AUTS2: variants seen among roughly 807,000 people sequenced by gnomAD.
The protein encoded by AUTS2 is activator of transcription and developmental regulator AUTS2.
In AUTS2, 17 loss-of-function variants were observed where a neutral mutation model predicts 112.4. The ratio of observed to expected loss-of-function variants is 0.15; its 90% confidence interval spans 0.10 to 0.23. The LOEUF is 0.23. Ranked by LOEUF, AUTS2 falls within the 10% of genes least tolerant of loss-of-function variation. The pLI is 1.00. For missense variants in AUTS2, 1,510 were observed against 1,701.6 expected (o/e 0.89, Z 1.98); for synonymous variants, 751 against 702.7 (o/e 1.07, Z -1.09).
chr7:69,890,620 C>T (rs1412589483), intron 1 of AUTS2, among the ~76,000 whole-genome samples: 2 of 151,414 alleles, frequency 1.3e-5, no homozygotes, highest in Non-Finnish European at 2.9e-5. Flanking sequence ...AATCAGGCTA[C>T]CAGATAGAAA....
At chr7:70,706,364 A>C (rs1585542345) in intron 6 of AUTS2, among the ~76,000 whole-genome samples, 1 of 152,190 alleles carries the variant, frequency 6.6e-6, no homozygotes, top group Admixed American at 6.5e-5. Context: ...TGGCCAGACA[A>C]AGTCACATGA....
chr7:69,838,181 C>T (rs538039414), intron 1 of AUTS2, among the ~76,000 whole-genome samples: 3 of 152,138 alleles, frequency 2.0e-5, no homozygotes, highest in African/African-American at 7.2e-5. Context: ...GTGCATTTGG[C>T]AAAAGTCAGT....
chr7:70,181,532 G>A (rs1584843657), intron 4 of AUTS2, among the ~76,000 whole-genome samples: 1 of 150,842 alleles, frequency 6.6e-6, no homozygotes, highest in African/African-American at 2.4e-5. Context: ...TTGTTGCCCA[G>A]GCTGGAGTGC....
At chr7:69,722,079 G>C (rs1176778351) in intron 1 of AUTS2, among the ~76,000 whole-genome samples, 2 of 151,096 alleles carry the variant, frequency 1.3e-5, no homozygotes, top group Admixed American at 6.6e-5. Context: ...AGAGGGGATA[G>C]AGAGCAAAGC....
At chr7:70,031,850 G>A (rs1800795814) in intron 2 of AUTS2, among the ~76,000 whole-genome samples, 1 of 152,124 alleles carries the variant, frequency 6.6e-6, no homozygotes, top group African/African-American at 2.4e-5. Context: ...ACTGATCACA[G>A]TCTATTTGAT....
chr7:70,512,713 A>G (rs937899006), intron 5 of AUTS2, among the ~76,000 whole-genome samples: 4 of 152,116 alleles, frequency 2.6e-5, no homozygotes, highest in African/African-American at 7.2e-5. Flanking sequence ...AATTGACCAT[A>G]TGGTTAGTTT....
At chr7:70,120,587 G>A (rs1584752721) in intron 3 of AUTS2, among the ~76,000 whole-genome samples, 1 of 152,064 alleles carries the variant, frequency 6.6e-6, no homozygotes, top group African/African-American at 2.4e-5. Flanking sequence ...TTATTCCAGG[G>A]TTAGTAGGTC....
At chr7:70,495,593 CCA>C (rs1270817132) in intron 5 of AUTS2, among the ~76,000 whole-genome samples, 1 of 151,484 alleles carries the variant, frequency 6.6e-6, no homozygotes, top group African/African-American at 2.4e-5. Context: ...ATCACACACC[CCA>C]CTCACACACA....
chr7:69,831,113 A>T (rs912443841), intron 1 of AUTS2, among the ~76,000 whole-genome samples: 3 of 152,110 alleles, frequency 2.0e-5, no homozygotes, highest in African/African-American at 4.8e-5. Flanking sequence ...TTCCCACCTG[A>T]TCCCCACTCC....
chr7:70,122,744 G>A (rs774278498), intron 3 of AUTS2, among the ~76,000 whole-genome samples: 2 of 151,970 alleles, frequency 1.3e-5, no homozygotes, highest in Non-Finnish European at 1.5e-5. Flanking sequence ...GACCCAAAAC[G>A]TGGACATTTA....
chr7:70,357,117 A>C (rs1388232991), intron 4 of AUTS2, among the ~76,000 whole-genome samples: 1 of 152,194 alleles, frequency 6.6e-6, no homozygotes, highest in African/African-American at 2.4e-5. Context: ...GCGTTGGCCA[A>C]CATTTGTAAC....
chr7:70,171,908 G>T (rs540587699), intron 4 of AUTS2, among the ~76,000 whole-genome samples: 9 of 151,272 alleles, frequency 5.9e-5, no homozygotes, highest in South Asian at 2.1e-4. Context: ...TTTTTTTTGG[G>T]GGGGGGTAGT....
chr7:70,312,883 T>G (rs1789824269), intron 4 of AUTS2, among the ~76,000 whole-genome samples: 1 of 152,232 alleles, frequency 6.6e-6, no homozygotes, highest in Non-Finnish European at 1.5e-5. Context: ...AGCTAATGTC[T>G]TGAACAGTGT....
intron 4 of AUTS2, among the ~76,000 whole-genome samples, chr7:70,397,658 TACAC>T (rs145934747): frequency 1.3e-5 from 2 of 149,498 alleles, no homozygotes; most frequent in Non-Finnish European, 1.5e-5. Context: ...TACATGTATG[TACAC>T]ACACACACAC....
intron 4 of AUTS2, among the ~76,000 whole-genome samples, chr7:70,162,169 G>A (rs1238184669): frequency 2.0e-5 from 3 of 152,140 alleles, no homozygotes; most frequent in Middle Eastern, 3.4e-3. Context: ...AGGAGAGGCC[G>A]GGCGCGGTGG....
chr7:69,614,325 T>TTTCTTTCC (rs1793211664), intron 1 of AUTS2, among the ~76,000 whole-genome samples: 1 of 63,694 alleles, frequency 1.6e-5, no homozygotes, highest in Non-Finnish European at 3.4e-5. Flanking sequence ...TCTTTCTTTC[T>TTTCTTTCC]TTCTTTCTTT....
intron 4 of AUTS2, among the ~76,000 whole-genome samples, chr7:70,279,894 A>G (rs572914938): frequency 6.6e-6 from 1 of 152,190 alleles, no homozygotes; most frequent in Non-Finnish European, 1.5e-5. Flanking sequence ...ATTTGTCTAC[A>G]GTAAGAGTTA....
At chr7:69,851,049 T>C (rs931295118) in intron 1 of AUTS2, among the ~76,000 whole-genome samples, 2 of 152,220 alleles carry the variant, frequency 1.3e-5, no homozygotes, top group African/African-American at 4.8e-5. Context: ...GGTTGAGGCT[T>C]ATTTATTTTT....
chr7:69,948,770 TTTCATTTATTTA>T (rs1157714582), intron 2 of AUTS2, among the ~76,000 whole-genome samples: 2 of 149,618 alleles, frequency 1.3e-5, no homozygotes, highest in African/African-American at 2.5e-5. Context: ...CAAAATTTTC[TTTCATTTATTTA>T]TTTATTTATT....
Sources: gnomAD v4.1 joint callset for allele counts (sites outside exome capture counted in the v4.1 genomes callset) on GRCh38, gnomAD v4.1.1 for gene constraint, MANE v1.5 for transcripts, NCBI Gene and HGNC (gene_info 2026-07-23, HGNC 2026-07-21) for gene names.